The following SDHAF3 variants were observed in gnomAD, a reference collection of about 807,000 sequenced individuals.
SDHAF3 encodes succinate dehydrogenase assembly factor 3, mitochondrial.
SDHAF3 carries 18 observed loss-of-function variants against 11.5 expected under a neutral mutation model. The ratio of observed to expected loss-of-function variants is 1.56; its 90% confidence interval spans 1.08 to 2.32. The LOEUF (loss-of-function observed/expected upper bound fraction) is 2.32, where lower values mean the gene tolerates loss of function less well. SDHAF3 is among the 30% of genes most tolerant of loss of function. The pLI is 0.00. For synonymous variants in SDHAF3, 72 were observed against 59.3 expected, an observed-to-expected ratio of 1.21 and a Z score of -0.99; for missense variants, 200 against 154.4, an observed-to-expected ratio of 1.30 and a Z score of -1.57.
At chr7:97,130,828 C>CT (rs1432155087) in intron 1 of SDHAF3, among the ~76,000 whole-genome samples, 1 of 152,224 alleles carries the variant, frequency 6.6e-6, no homozygotes, top group Non-Finnish European at 1.5e-5. Context: ...CCACCTGTGT[C>CT]TGAGTCCAGG....
chr7:97,164,539 G>T (rs1257357200), intron 1 of SDHAF3, among the ~76,000 whole-genome samples: 1 of 151,734 alleles, frequency 6.6e-6, no homozygotes, highest in Non-Finnish European at 1.5e-5. Context: ...ACAACACCCG[G>T]CCAATTTTGT....
intron 1 of SDHAF3, among the ~76,000 whole-genome samples, chr7:97,121,625 C>G (rs1584205824): frequency 6.6e-6 from 1 of 152,150 alleles, no homozygotes; most frequent in East Asian, 1.9e-4. Flanking sequence ...TCACAGTGTT[C>G]AAAGTTTAGT....
chr7:97,141,508 C>A lies in SDHAF3; in HGVS notation c.174+23611C>A, dbSNP rs577901788. ...TCTTTCCCTTTATTTCTCAGACTGGCCAACACTTAGGGAAAATAGAAAAGA... is the reference window on the plus strand; with the variant it reads ...TCTTTCCCTTTATTTCTCAGACTGGACAACACTTAGGGAAAATAGAAAAGA... On this transcript the variant is annotated intron_variant, in intron 1 of 1. Transcript: ENST00000432641. Among the ~76,000 whole-genome samples the A allele has an allele frequency of 2.6e-5, 4 of 152,240 alleles. No homozygotes were observed. In the South Asian group the frequency reaches 8.3e-4, roughly 32 times the overall value.
chr7:97,159,939 T>G (rs990421619), intron 1 of SDHAF3, among the ~76,000 whole-genome samples: 3 of 152,194 alleles, frequency 2.0e-5, no homozygotes, highest in Admixed American at 1.3e-4. Flanking sequence ...GCCATCTGAT[T>G]CTATGATTTT....
Position 97,157,881 on chromosome 7 carries a change from G to A in SDHAF3, c.175-23131G>A, listed in dbSNP as rs538363593. On this transcript the variant is annotated intron_variant, in intron 1 of 1. Transcript: ENST00000432641. The stretch of plus-strand genomic sequence containing the variant: ...TCCCAAGGACAAAAAACCAAACACC[G>A]CATGTTCTCACTCATAGGTGGGAAT... Among the ~76,000 whole-genome samples, 15 of 144,506 alleles carry A rather than the reference G, an allele frequency of 1.0e-4. No homozygotes were observed. The South Asian group carries it at 1.7e-3, about 17-fold the overall frequency. The allele number at this position is 144,506 out of a possible 152,430, so 94.8% of individuals were successfully genotyped here.
At chr7:97,143,886 T>G (rs1196502996) in intron 1 of SDHAF3, among the ~76,000 whole-genome samples, 2 of 152,252 alleles carry the variant, frequency 1.3e-5, no homozygotes, top group East Asian at 3.8e-4. Flanking sequence ...GTAGTTCTAC[T>G]TTTAATTCTT....
In SDHAF3 at chr7:97,166,510, A is replaced by C. The variant is rs890548642; in HGVS notation, c.175-14502A>C. On this transcript the variant is annotated intron_variant, in intron 1 of 1. Transcript: ENST00000432641. ...GTGGAGAGGAAGGTTCTTGTTATGCAGATGAAGTCTCCTGATAGTAGCTTT... is the reference window on the plus strand; with the variant it reads ...GTGGAGAGGAAGGTTCTTGTTATGCCGATGAAGTCTCCTGATAGTAGCTTT... Among the ~76,000 whole-genome samples the C allele has an allele frequency of 2.0e-5, 3 of 152,326 alleles. No homozygotes were observed. In the East Asian group the frequency reaches 5.8e-4, roughly 29 times the overall value.
intron 1 of SDHAF3, among the ~76,000 whole-genome samples, chr7:97,159,043 T>A (rs1034547707): frequency 2.6e-5 from 4 of 152,222 alleles, no homozygotes; most frequent in Admixed American, 1.3e-4. Context: ...AAGTTACACA[T>A]TTTTATTTAA....
intron 1 of SDHAF3, among the ~76,000 whole-genome samples, chr7:97,122,437 C>T (rs1211930904): frequency 6.6e-6 from 1 of 151,202 alleles, no homozygotes; most frequent in Non-Finnish European, 1.5e-5. Flanking sequence ...GTAGTAATCC[C>T]AGTCTCAAAT....
chr7:97,159,578 C>A (rs10085735), intron 1 of SDHAF3, among the ~76,000 whole-genome samples: 385 of 152,224 alleles, frequency 2.5e-3, no homozygotes, highest in African/African-American at 8.8e-3. Flanking sequence ...CAGGAAATCA[C>A]CAAATAAGTC....
chr7:97,150,527 G>A (rs1040057104), intron 1 of SDHAF3, among the ~76,000 whole-genome samples: 9 of 150,936 alleles, frequency 6.0e-5, no homozygotes, highest in Non-Finnish European at 2.9e-5. Context: ...TGCATTGTCA[G>A]TGAGCAGTAA....
chr7:97,161,596 C>T (rs1789410170), intron 1 of SDHAF3, among the ~76,000 whole-genome samples: 1 of 152,164 alleles, frequency 6.6e-6, no homozygotes, highest in African/African-American at 2.4e-5. Context: ...CCCCCTCACC[C>T]TCTGACAGGC....
intron 1 of SDHAF3, among the ~76,000 whole-genome samples, chr7:97,137,367 A>G (rs931915325): frequency 6.6e-6 from 1 of 152,218 alleles, no homozygotes; most frequent in Non-Finnish European, 1.5e-5. Context: ...CATGACCTTA[A>G]CAAGTTGAGA....
chr7:97,144,046 G>A (rs530990138), intron 1 of SDHAF3, among the ~76,000 whole-genome samples: 1 of 152,162 alleles, frequency 6.6e-6, no homozygotes, highest in South Asian at 2.1e-4. Flanking sequence ...GAGCAAGATG[G>A]TATCACATTG....
chr7:97,138,004 C>G (rs1396867168), intron 1 of SDHAF3, among the ~76,000 whole-genome samples: 2 of 150,704 alleles, frequency 1.3e-5, no homozygotes, highest in Non-Finnish European at 2.9e-5. Context: ...TCTTGAGTAG[C>G]TGGGATTACA....
At chr7:97,127,717 G>A (rs902309447) in intron 1 of SDHAF3, among the ~76,000 whole-genome samples, 1 of 152,040 alleles carries the variant, frequency 6.6e-6, no homozygotes, top group Non-Finnish European at 1.5e-5. Flanking sequence ...CAGGAGAAAA[G>A]GAATGAATTG....
chr7:97,137,012 T>C (rs1271122339), intron 1 of SDHAF3, among the ~76,000 whole-genome samples: 1 of 152,152 alleles, frequency 6.6e-6, no homozygotes, highest in Non-Finnish European at 1.5e-5. Flanking sequence ...ATATAGGGTT[T>C]TGTATTTTGT....
chr7:97,160,262 T>C (rs796714870), intron 1 of SDHAF3, among the ~76,000 whole-genome samples: 217 of 121,522 alleles, frequency 1.8e-3, no homozygotes, highest in Middle Eastern at 6.2e-3. Context: ...CCGGCCGCCC[T>C]GTCTGGGAAG....
chr7:97,124,372 A>G (rs1030197182), intron 1 of SDHAF3, among the ~76,000 whole-genome samples: 4 of 152,146 alleles, frequency 2.6e-5, no homozygotes, highest in African/African-American at 9.7e-5. Flanking sequence ...TGGTGCCAGT[A>G]TCATGCTCTT....
Sources: gnomAD v4.1 joint callset for allele counts (sites outside exome capture counted in the v4.1 genomes callset) on GRCh38, gnomAD v4.1.1 for gene constraint, MANE v1.5 for transcripts, NCBI Gene and HGNC (gene_info 2026-07-23, HGNC 2026-07-21) for gene names.